The following OTOGL variants were observed in gnomAD, a reference collection of about 807,000 sequenced individuals.
OTOGL encodes the protein otogelin like.
Under a neutral mutation model 318.5 loss-of-function variants are expected in OTOGL, and 285 were observed. That is an observed-to-expected ratio of 0.89 (90% CI 0.81 to 0.99). OTOGL has a LOEUF of 0.99. Among genes scored for constraint, OTOGL ranks in the 50% least tolerant of loss-of-function variants. The pLI is 0.00. For missense variants in OTOGL, 2,899 were observed against 2,845.6 expected, an observed-to-expected ratio of 1.02 and a Z score of -0.43; for synonymous variants, 987 against 936.5, an observed-to-expected ratio of 1.05 and a Z score of -0.99.
At chr12:80,114,097 A>C (rs1228206131) in intron 1 of OTOGL, among the ~76,000 whole-genome samples, 2 of 151,962 alleles carry the variant, frequency 1.3e-5, no homozygotes, top group African/African-American at 4.8e-5. Context: ...TTAATTGGGG[A>C]ATTTACCCAT....
At chr12:80,341,401 G>A (rs941917128) in intron 43 of OTOGL, among the ~76,000 whole-genome samples, 5 of 152,150 alleles carry the variant, frequency 3.3e-5, no homozygotes, top group Non-Finnish European at 7.4e-5. Flanking sequence ...TGGATTACCT[G>A]GAACAGTTGC....
At chr12:80,261,888 T>C in intron 18 of OTOGL, 81 bp from the exon 19 acceptor site, 1 of 1,453,300 alleles carries the variant, frequency 6.9e-7, no homozygotes. Flanking sequence ...TGAAAAATAG[T>C]ATTCTCTTAT....
At chr12:80,369,326 T>C (rs1160825110) in intron 55 of OTOGL, among the ~76,000 whole-genome samples, 2 of 152,122 alleles carry the variant, frequency 1.3e-5, no homozygotes, top group Non-Finnish European at 2.9e-5. Context: ...ACTGTCTTCA[T>C]TACTGCTGAA....
chr12:80,372,831 C>A (rs117865936), intron 57 of OTOGL, among the ~76,000 whole-genome samples: 1 of 151,682 alleles, frequency 6.6e-6, no homozygotes, highest in African/African-American at 2.4e-5. Flanking sequence ...TGGGATTACA[C>A]GCATGCGCCA....
intron 55 of OTOGL, among the ~76,000 whole-genome samples, chr12:80,369,507 T>A (rs1369107806): frequency 2.0e-5 from 3 of 152,098 alleles, no homozygotes; most frequent in East Asian, 1.9e-4. Context: ...AGTGTCAACA[T>A]CCTGATTCAG....
At chr12:80,158,570 T>G (rs1217489336) in intron 1 of OTOGL, among the ~76,000 whole-genome samples, 1 of 152,060 alleles carries the variant, frequency 6.6e-6, no homozygotes, top group Non-Finnish European at 1.5e-5. Context: ...ATGTACATTA[T>G]ATATACATAT....
rs1362513039 is a variant in OTOGL at position 80,370,561 on chromosome 12, G to T, written c.6616-9G>T. The T allele has an allele frequency of 1.3e-6, 2 of 1,507,354 alleles. No homozygotes were observed. The highest frequency in any genetic ancestry group is 2.3e-5 in the Admixed American group (1 of 43,630). The allele number at this position is 1,507,354 out of a possible 1,614,324, so 93.4% of individuals were successfully genotyped here. ...TATGCTAAATAGTAACTTTCTTTTTGATTTTTAGGTAGGGAGTACCTGGCA... is the reference window on the plus strand; with the variant it reads ...TATGCTAAATAGTAACTTTCTTTTTTATTTTTAGGTAGGGAGTACCTGGCA... On this transcript the variant is annotated splice_polypyrimidine_tract_variant and intron_variant, in intron 55 of 58. Coordinates refer to ENST00000547103, the MANE Select transcript of OTOGL (RefSeq NM_001378609.3).
rs188956470 is a variant in OTOGL, at chr12:80,282,666, C to A, written c.2928+3500C>A. Among the ~76,000 whole-genome samples, 157 of 151,838 alleles carry A rather than the reference C, an allele frequency of 1.0e-3. 2 individuals carry two copies. The highest frequency in any genetic ancestry group is 8.5e-3 in the South Asian group (41 of 4,810). ...CAATTTTATATTAGAATCCTTTCAT[C>A]CCCTGAGGTTTAGAGTATAAATTTA... is the stretch of plus-strand genomic sequence containing the variant. On this transcript the variant is annotated intron_variant, in intron 26 of 58. Coordinates refer to ENST00000547103, the MANE Select transcript of OTOGL (RefSeq NM_001378609.3).
In OTOGL at chr12:80,341,954, G is replaced by C. The variant is rs573951271; in HGVS notation, c.5057G>C (p.Cys1686Ser). ...TGTCATATATTCTTTCAAGGAATTT[G>C]CAATGAAGATCCGGATGATGATCTA... ...SSYTEGLCGI[C>S]NEDPDDDLRM... Residue 1686 changes from cysteine (C) to serine (S), a missense_variant, in exon 44 of 59, where the codon TGC becomes TCC. Cys to Ser is a moderately radical substitution (Grantham distance 112). Around this residue, in one of 3 missense-constraint regions of OTOGL, gnomAD observed 2,607 missense variants for 2,524.9 expected, o/e 1.03. Transcript: ENST00000547103. 6.3e-7 allele frequency: 1 copy of C among 1,597,778 alleles called. No homozygotes were observed. Among genetic ancestry groups the C allele is most frequent in the East Asian group, 2.2e-5 (1 of 44,586 alleles).
At chr12:80,139,154 C>T (rs139277544) in intron 1 of OTOGL, among the ~76,000 whole-genome samples, 15 of 152,212 alleles carry the variant, frequency 9.9e-5, no homozygotes, top group African/African-American at 3.4e-4. Flanking sequence ...AGGAGGATGG[C>T]ATAAAGGCTG....
chr12:80,333,197 G>A, intron 38 of OTOGL, 119 bp downstream of exon 38: 1 of 766,402 alleles, frequency 1.3e-6, no homozygotes, highest in Non-Finnish European at 2.1e-6. Flanking sequence ...GTCTAGCCTT[G>A]CTAAAAGATA....
intron 11 of OTOGL, among the ~76,000 whole-genome samples, chr12:80,239,927 A>C (rs555332496): frequency 2.6e-5 from 4 of 152,102 alleles, no homozygotes; most frequent in Admixed American, 6.6e-5. Flanking sequence ...TCTACACTCT[A>C]TCTTCATGAG....
intron 1 of OTOGL, among the ~76,000 whole-genome samples, chr12:80,151,571 A>T (rs543173110): frequency 3.9e-5 from 6 of 152,200 alleles, no homozygotes; most frequent in Non-Finnish European, 8.8e-5. Context: ...CAAAAAAAGG[A>T]TCTGTGGGAA....
At chr12:80,185,585 G>A (rs1450849688) in intron 1 of OTOGL, among the ~76,000 whole-genome samples, 2 of 152,068 alleles carry the variant, frequency 1.3e-5, no homozygotes, top group Non-Finnish European at 1.5e-5. Flanking sequence ...CACTGCACCC[G>A]GCCAAATTAG....
intron 1 of OTOGL, among the ~76,000 whole-genome samples, chr12:80,197,852 G>T (rs1273544879): frequency 6.6e-6 from 1 of 152,194 alleles, no homozygotes; most frequent in Non-Finnish European, 1.5e-5. Flanking sequence ...CCTCACTGGG[G>T]ACTCTATCGT....
intron 29 of OTOGL, among the ~76,000 whole-genome samples, chr12:80,307,266 T>C (rs200181536): frequency 7.0e-6 from 1 of 143,806 alleles, no homozygotes; most frequent in African/African-American, 2.5e-5. Flanking sequence ...CTTTCCCCCC[T>C]TTCTATTCTA....
intron 52 of OTOGL, among the ~76,000 whole-genome samples, chr12:80,362,835 A>G (rs1890314509): frequency 6.6e-6 from 1 of 151,946 alleles, no homozygotes; most frequent in Non-Finnish European, 1.5e-5. Context: ...GCTATGAGGT[A>G]ATAGATGTAT....
chr12:80,273,885 C>T (rs939984134), intron 24 of OTOGL, among the ~76,000 whole-genome samples: 2 of 151,990 alleles, frequency 1.3e-5, no homozygotes, highest in African/African-American at 4.8e-5. Flanking sequence ...TTATGGTAAT[C>T]TGTAAACAGT....
intron 1 of OTOGL, among the ~76,000 whole-genome samples, chr12:80,161,644 A>C (rs1873524940): frequency 6.6e-6 from 1 of 152,132 alleles, no homozygotes; most frequent in South Asian, 2.1e-4. Flanking sequence ...TAGATAACTA[A>C]GTTCTCATGG....
Sources: gnomAD v4.1 joint callset for allele counts (sites outside exome capture counted in the v4.1 genomes callset) on GRCh38, gnomAD v4.1.1 for gene constraint, gnomAD v4.1.1 regional missense constraint, MANE v1.5 for transcripts, NCBI Gene and HGNC (gene_info 2026-07-23, HGNC 2026-07-21) for gene names.